ELMO1: variants seen among roughly 807,000 people sequenced by gnomAD.
ELMO1 encodes engulfment and cell motility protein 1.
ELMO1 carries 26 observed loss-of-function variants against 98.9 expected under a neutral mutation model. The ratio of observed to expected loss-of-function variants is 0.26; its 90% CI spans 0.19 to 0.36. The LOEUF (loss-of-function observed/expected upper bound fraction) is 0.36, where lower values mean the gene tolerates loss of function less well. Among genes scored for constraint, ELMO1 ranks in the 10% least tolerant of loss-of-function variants. The pLI is 1.00. For missense variants in ELMO1, 627 were observed against 935.2 expected, an observed-to-expected ratio of 0.67 and a Z score of 4.30; for synonymous variants, 346 against 346.0, an observed-to-expected ratio of 1.00 and a Z score of 0.00.
intron 1 of ELMO1, among the ~76,000 whole-genome samples, chr7:37,442,534 T>C (rs1391533628): frequency 6.6e-6 from 1 of 152,228 alleles, no homozygotes; most frequent in Non-Finnish European, 1.5e-5. Context: ...CCCATTCTTC[T>C]TGGCAAATAC....
intron 19 of ELMO1, among the ~76,000 whole-genome samples, chr7:36,877,171 G>C (rs901547970): frequency 6.6e-6 from 1 of 152,136 alleles, no homozygotes; most frequent in Non-Finnish European, 1.5e-5. Flanking sequence ...TCTGGGACAC[G>C]CTTATCTGAA....
intron 15 of ELMO1, among the ~76,000 whole-genome samples, chr7:37,050,303 A>G (rs901633609): frequency 5.3e-5 from 8 of 151,938 alleles, no homozygotes; most frequent in African/African-American, 1.7e-4. Flanking sequence ...TGAACTCCTG[A>G]GCTCAGGTAA....
intron 13 of ELMO1, among the ~76,000 whole-genome samples, chr7:37,194,326 A>G (rs1454860316): frequency 6.6e-6 from 1 of 152,148 alleles, no homozygotes; most frequent in African/African-American, 2.4e-5. Context: ...TGCATCTCCT[A>G]TCTGCAGAAA....
intron 18 of ELMO1, among the ~76,000 whole-genome samples, chr7:36,882,758 A>T (rs1195811768): frequency 6.6e-6 from 1 of 152,214 alleles, no homozygotes; most frequent in Admixed American, 6.5e-5. Flanking sequence ...TAAAGTATGG[A>T]TCCTACATCT....
chr7:37,014,235 C>A (rs1043982872), intron 15 of ELMO1, among the ~76,000 whole-genome samples: 1 of 152,022 alleles, frequency 6.6e-6, no homozygotes, highest in African/African-American at 2.4e-5. Flanking sequence ...TTTTATAGCC[C>A]TTTTGTAAGT....
rs114495426 is a variant in ELMO1 at position 36,962,414 on chromosome 7, G to A, written c.1437+50885C>T. On this transcript the variant is annotated intron_variant, in intron 16 of 21. Transcript: ENST00000310758. ...CATGAAAATGAAGTATGGAAGATGG[G>A]TTAGCGTGGGAGCCAAACCCAAGAA... Among the ~76,000 whole-genome samples, 1,076 of 152,258 alleles carry A rather than the reference G, an allele frequency of 7.1e-3. 17 individuals are homozygous for A. Among genetic ancestry groups the A allele is most frequent in the African/African-American group, 0.024 (1,007 of 41,544 alleles).
chr7:37,250,788 T>C (rs1217635031), intron 6 of ELMO1, among the ~76,000 whole-genome samples: 1 of 131,806 alleles, frequency 7.6e-6, no homozygotes, highest in Non-Finnish European at 1.6e-5. Context: ...CAAGACTCCG[T>C]CTCAAAAAAA....
At chr7:36,988,374 A>G (rs957750221) in intron 16 of ELMO1, among the ~76,000 whole-genome samples, 3 of 152,212 alleles carry the variant, frequency 2.0e-5, no homozygotes, top group African/African-American at 7.2e-5. Context: ...TGCCAAAACC[A>G]TCATTCCATC....
At chr7:37,395,813 G>A (rs1216036426) in intron 1 of ELMO1, among the ~76,000 whole-genome samples, 1 of 151,456 alleles carries the variant, frequency 6.6e-6, no homozygotes, top group Non-Finnish European at 1.5e-5. Context: ...GCTGAGGTAG[G>A]AGATAGGGAC....
chr7:36,941,397 C>T (rs762751957), intron 16 of ELMO1, among the ~76,000 whole-genome samples: 120 of 152,074 alleles, frequency 7.9e-4, no homozygotes, highest in African/African-American at 1.5e-3. Flanking sequence ...ACAGGTTCCA[C>T]GATGTGTTGG....
At chr7:37,184,749 C>G (rs182864077) in intron 13 of ELMO1, among the ~76,000 whole-genome samples, 1 of 151,680 alleles carries the variant, frequency 6.6e-6, no homozygotes, top group African/African-American at 2.4e-5. Context: ...CTCTACCCCC[C>G]AAAAAAGACA....
At chr7:37,191,913 T>A (rs909799686) in intron 13 of ELMO1, among the ~76,000 whole-genome samples, 1 of 151,274 alleles carries the variant, frequency 6.6e-6, no homozygotes, top group African/African-American at 2.4e-5. Context: ...GAAGACTCCA[T>A]CACACACACA....
At chr7:37,264,576 C>A (rs1444051246) in intron 5 of ELMO1, among the ~76,000 whole-genome samples, 1 of 152,136 alleles carries the variant, frequency 6.6e-6, no homozygotes, top group East Asian at 1.9e-4. Flanking sequence ...GCAACCAGCA[C>A]ACATGAAAAG....
chr7:36,965,153 T>C (rs1440740518), intron 16 of ELMO1, among the ~76,000 whole-genome samples: 1 of 152,054 alleles, frequency 6.6e-6, no homozygotes, highest in African/African-American at 2.4e-5. Context: ...AACCATCCTT[T>C]CCCCATGAGT....
intron 4 of ELMO1, among the ~76,000 whole-genome samples, chr7:37,289,487 G>A (rs1219103644): frequency 6.6e-6 from 1 of 152,156 alleles, no homozygotes; most frequent in Non-Finnish European, 1.5e-5. Context: ...ACAGCACCAG[G>A]CAGCCTCAAC....
chr7:37,335,567 A>G (rs546540842), intron 2 of ELMO1, among the ~76,000 whole-genome samples: 4 of 152,306 alleles, frequency 2.6e-5, no homozygotes, highest in African/African-American at 9.6e-5. Flanking sequence ...CTATTTTTTT[A>G]AACTGATAAA....
At chr7:37,165,179 T>C (rs926248513) in intron 13 of ELMO1, among the ~76,000 whole-genome samples, 1 of 152,240 alleles carries the variant, frequency 6.6e-6, no homozygotes, top group Non-Finnish European at 1.5e-5. Flanking sequence ...TTTTTGCACA[T>C]TGATTTTGTA....
At chr7:37,040,253 G>C (rs1795427149) in intron 15 of ELMO1, among the ~76,000 whole-genome samples, 1 of 152,104 alleles carries the variant, frequency 6.6e-6, no homozygotes, top group Non-Finnish European at 1.5e-5. Context: ...CATCCTCAAA[G>C]CACAAAACTA....
At chr7:36,973,777 C>G (rs182161548) in intron 16 of ELMO1, among the ~76,000 whole-genome samples, 1 of 152,148 alleles carries the variant, frequency 6.6e-6, no homozygotes, top group Non-Finnish European at 1.5e-5. Context: ...GGGCTGCGCG[C>G]GGCGCTTGCG....
Sources: gnomAD v4.1 joint callset for allele counts (sites outside exome capture counted in the v4.1 genomes callset) on GRCh38, gnomAD v4.1.1 for gene constraint, MANE v1.5 for transcripts, NCBI Gene and HGNC (gene_info 2026-07-23, HGNC 2026-07-21) for gene names.